Variants in FABP7 observed in about 807,000 individuals in gnomAD.
FABP7 encodes the protein fatty acid binding protein 7, also known as fatty acid-binding protein, brain.
A neutral mutation model predicts 14.2 loss-of-function variants in FABP7; 13 were observed. That is an observed-to-expected ratio of 0.91 (90% CI 0.59 to 1.45). FABP7 has a LOEUF of 1.45. Ranked by LOEUF, FABP7 falls within the 40% of genes most tolerant of loss-of-function variation. The pLI is 0.00. For missense variants in FABP7, 149 were observed against 157.6 expected, an observed-to-expected ratio of 0.95 and a Z score of 0.29; for synonymous variants, 49 against 51.4, an observed-to-expected ratio of 0.95 and a Z score of 0.20.
chr6:122,780,499 GAGAGGGGAATAAAGATAAAGA>G lies in FABP7; in HGVS notation c.246+37_246+57del, dbSNP rs761370053. On this transcript the variant is annotated intron_variant, in intron 2 of 3. Coordinates refer to ENST00000368444, the MANE Select transcript of FABP7 (RefSeq NM_001446.5). ...GCTTCTTCTTCAGAGTGGGGATGGG[GAGAGGGGAATAAAGATAAAGA>G]TTTCCAATGCATGTTTTTTTTAAGA... is the stretch of plus-strand genomic sequence containing the variant. 3 of 1,591,764 alleles carry G rather than the reference GAGAGGGGAATAAAGATAAAGA, an allele frequency of 1.9e-6. No homozygotes were observed. In the Admixed American group the frequency reaches 5.3e-5, roughly 28 times the overall value.
At chr6:122,770,768 G>T in the FABP7 span, among the ~76,000 whole-genome samples, 1 of 151,988 alleles carries the variant, frequency 6.6e-6, no homozygotes, top group Non-Finnish European at 1.5e-5. Context: ...AGACCTATAC[G>T]ATCTCTGTCT....
the FABP7 span, among the ~76,000 whole-genome samples, chr6:122,753,415 C>A: frequency 0.047 from 7,207 of 152,214 alleles, 183 homozygotes; most frequent in East Asian, 0.1. Context: ...CAGTAATTCG[C>A]TCACACTCAG....
chr6:122,782,049 GC>G (rs921013292), intron 3 of FABP7: 46 of 985,232 alleles, frequency 4.7e-5, no homozygotes, highest in Non-Finnish European at 5.5e-5. Context: ...AAGGCTCCCA[GC>G]CCCCAAAGAG....
chr6:122,782,686 G>C (rs938427880), intron 3 of FABP7: 3 of 985,384 alleles, frequency 3.0e-6, no homozygotes, highest in Non-Finnish European at 3.6e-6. Context: ...CTTGTACGAT[G>C]ACAGCAGAGA....
chr6:122,756,015 A>C, the FABP7 span, among the ~76,000 whole-genome samples: 1 of 152,124 alleles, frequency 6.6e-6, no homozygotes, highest in East Asian at 1.9e-4. Flanking sequence ...TTGAGTCAAC[A>C]CACTTGTGGG....
the FABP7 span, among the ~76,000 whole-genome samples, chr6:122,772,581 G>C: frequency 6.6e-6 from 1 of 152,086 alleles, no homozygotes; most frequent in Non-Finnish European, 1.5e-5. Flanking sequence ...CCACATCCCA[G>C]CTAATTTTTG....
chr6:122,764,689 T>G, the FABP7 span, among the ~76,000 whole-genome samples: 3 of 152,190 alleles, frequency 2.0e-5, no homozygotes, highest in Admixed American at 2.0e-4. Context: ...ACATGGCTTA[T>G]GAAACTGAAT....
At chr6:122,753,794 CG>C in the FABP7 span, among the ~76,000 whole-genome samples, 4,324 of 105,058 alleles carry the variant, frequency 0.041, 253 homozygotes, top group East Asian at 0.091. Context: ...GCCCCCCCCC[CG>C]CCCACAGAAG....
At chr6:122,775,249 C>A (rs1033800037), upstream of FABP7, among the ~76,000 whole-genome samples, 3 of 151,982 alleles carry the variant, frequency 2.0e-5, no homozygotes, top group African/African-American at 7.2e-5. Context: ...ATCACATTAC[C>A]TGACTTCAAA....
chr6:122,781,648 G>A (rs1562340264), intron 3 of FABP7: 17 of 1,032,914 alleles, frequency 1.6e-5, no homozygotes, highest in Middle Eastern at 4.5e-4. Flanking sequence ...AATTTATAAA[G>A]TTACACAAGT....
At chr6:122,773,276 C>T in the FABP7 span, among the ~76,000 whole-genome samples, 3 of 152,158 alleles carry the variant, frequency 2.0e-5, no homozygotes, top group Admixed American at 1.3e-4. Context: ...ACCTAAGTGG[C>T]TGATATGATC....
At chr6:122,750,860 C>T in the FABP7 span, among the ~76,000 whole-genome samples, 45 of 152,324 alleles carry the variant, frequency 3.0e-4, no homozygotes, top group Non-Finnish European at 4.7e-4. Context: ...TGAGAGACTA[C>T]GCTGAAAAGT....
the FABP7 span, among the ~76,000 whole-genome samples, chr6:122,759,385 T>C: frequency 4.6e-5 from 7 of 152,228 alleles, no homozygotes; most frequent in Admixed American, 6.5e-5. Flanking sequence ...GGTTAAAAAC[T>C]GATTTCCAAC....
the FABP7 span, among the ~76,000 whole-genome samples, chr6:122,763,550 A>G: frequency 2.0e-5 from 3 of 152,228 alleles, no homozygotes; most frequent in African/African-American, 7.2e-5. Context: ...GGATCTAATT[A>G]AACTAAAGAG....
the FABP7 span, among the ~76,000 whole-genome samples, chr6:122,751,679 C>T: frequency 3.9e-5 from 6 of 152,190 alleles, no homozygotes; most frequent in Admixed American, 2.0e-4. Context: ...CTCAACAAAG[C>T]TTTCCACCTT....
the FABP7 span, among the ~76,000 whole-genome samples, chr6:122,764,954 AGAGT>A: frequency 6.6e-6 from 1 of 152,222 alleles, no homozygotes. Context: ...ATATAATTGC[AGAGT>A]AAATGGTGTT....
In FABP7 at chr6:122,783,734, T is replaced by A. The variant is rs1486412525; in HGVS notation, c.366T>A (p.Asp122Glu). ...GKMVMTLTFG[D>E]VVAVRHYEKA ...CCTTGCAGACCCTTACTTTTGGTGA[T>A]GTGGTTGCTGTTCGCCACTATGAGA... The change falls in exon 4 of 4, where the codon GAT becomes GAA. Residue 122 changes from aspartate to glutamate, a missense_variant. By Grantham distance (45) the Asp-to-Glu change is conservative. Coordinates refer to ENST00000368444, the MANE Select transcript of FABP7 (RefSeq NM_001446.5). 1 of 1,607,006 alleles carries A rather than the reference T, an allele frequency of 6.2e-7. No individual in the cohort carries two copies. The highest frequency in any genetic ancestry group is 1.1e-5 in the South Asian group (1 of 89,166).
At chr6:122,783,681 G>A in intron 3 of FABP7, 36 bp from the exon 4 acceptor site, 2 of 1,563,854 alleles carry the variant, frequency 1.3e-6, no homozygotes, top group Non-Finnish European at 1.7e-6. Context: ...TGAAGTTCCT[G>A]TATAAAAAGA....
the FABP7 span, among the ~76,000 whole-genome samples, chr6:122,772,453 T>C: frequency 3.9e-5 from 6 of 152,310 alleles, no homozygotes; most frequent in East Asian, 1.2e-3. Context: ...TGACCTAGTC[T>C]ATATTGCTCA....
Sources: gnomAD v4.1 joint callset for allele counts (sites outside exome capture counted in the v4.1 genomes callset) on GRCh38, gnomAD v4.1.1 for gene constraint, MANE v1.5 for transcripts, NCBI Gene and HGNC (gene_info 2026-07-23, HGNC 2026-07-21) for gene names.